The following NLGN1 variants were observed in gnomAD, a reference collection of about 807,000 sequenced individuals.
NLGN1 encodes neuroligin-1.
Under a neutral mutation model 65.5 loss-of-function variants are expected in NLGN1, and 12 were observed. The observed-to-expected ratio is 0.18, with a 90% CI of 0.12 to 0.30. The LOEUF is 0.30. Ranked by LOEUF, NLGN1 falls within the 10% of genes least tolerant of loss-of-function variation. The pLI, the probability that NLGN1 is intolerant of heterozygous loss-of-function variation, is 1.00. For synonymous variants in NLGN1, 350 were observed against 359.5 expected (o/e 0.97, Z 0.30); for missense variants, 750 against 1,007.1 (o/e 0.74, Z 3.46).
At position 174,280,257 on chromosome 3, in the gene NLGN1, TAAGC is replaced by T. The variant is rs1160354887; in HGVS notation, c.1650-222_1650-219del. 6.6e-6 allele frequency among the ~76,000 whole-genome samples: 1 copy of T among 151,984 alleles called. No homozygotes were observed. The highest frequency in any genetic ancestry group is 2.1e-4 in the South Asian group (1 of 4,836). On this transcript the variant is annotated intron_variant, in intron 6 of 6. Transcript: ENST00000457714. This position sits in a 1 kb window ranked among gnomAD's most constrained non-coding sequence, Gnocchi z 4.9. ...GGGTAGATAGCAGCCCATCTCAGGATAAGCAGAGAGAACAAGAATGTGAGACTTA... is the reference window on the plus strand; with the variant it reads ...GGGTAGATAGCAGCCCATCTCAGGATAGAGAGAACAAGAATGTGAGACTTA...
At chr3:174,078,125 CTATTATAT>C (rs1741393603) in intron 4 of NLGN1, among the ~76,000 whole-genome samples, 1 of 151,856 alleles carries the variant, frequency 6.6e-6, no homozygotes, top group Non-Finnish European at 1.5e-5. Flanking sequence ...TATGATGTCT[CTATTATAT>C]TTTTAGAAAA....
chr3:173,503,266 A>G (rs1160891532), intron 2 of NLGN1, among the ~76,000 whole-genome samples: 1 of 152,134 alleles, frequency 6.6e-6, no homozygotes, highest in Non-Finnish European at 1.5e-5. Flanking sequence ...TGGAAATGAA[A>G]CAAACCTTCT....
chr3:174,090,334 G>A lies in NLGN1; in HGVS notation c.647-184981G>A, dbSNP rs372677663. ...AAAAATACAAAAAAAATAGCCTGGC[G>A]TGGTGGCAGGTGCCTGTAATCCCAC... is the stretch of plus-strand genomic sequence containing the variant. On this transcript the variant is annotated intron_variant, in intron 4 of 6. Transcript: ENST00000457714. 1.3e-4 allele frequency among the ~76,000 whole-genome samples: 20 copies of A among 152,150 alleles called. No individual in the cohort carries two copies. The East Asian group carries it at 2.5e-3, about 19-fold the overall frequency.
Position 173,830,389 on chromosome 3 carries a change from G to C in NLGN1, c.646+22557G>C, listed in dbSNP as rs568995203. On this transcript the variant is annotated intron_variant, in intron 4 of 6. Transcript: ENST00000457714. ...ATAATAAACAATAGGTTAGTGGCTT[G>C]ATATGCCTAACAGCATCCACTGCAG... Among the ~76,000 whole-genome samples the C allele has an allele frequency of 2.0e-5, 3 of 152,290 alleles. No homozygotes were observed. The South Asian group carries it at 6.2e-4, about 32-fold the overall frequency.
intron 3 of NLGN1, among the ~76,000 whole-genome samples, chr3:173,624,624 C>T (rs1436395362): frequency 6.6e-6 from 1 of 152,044 alleles, no homozygotes; most frequent in Non-Finnish European, 1.5e-5. Context: ...TTAGTTTTAT[C>T]TGTCAGGGAA....
chr3:174,228,979 T>C (rs1039816753), intron 4 of NLGN1, among the ~76,000 whole-genome samples: 19 of 152,126 alleles, frequency 1.2e-4, no homozygotes, highest in African/African-American at 4.6e-4. Context: ...TTCCAAAGCA[T>C]GTCAAGAGAT....
chr3:173,935,599 C>T (rs1419852020), intron 4 of NLGN1, among the ~76,000 whole-genome samples: 1 of 98,336 alleles, frequency 1.0e-5, no homozygotes, highest in Non-Finnish European at 2.4e-5. Flanking sequence ...AGTCTACACA[C>T]ACACACACAC....
chr3:174,110,164 T>C (rs565359269), intron 4 of NLGN1, among the ~76,000 whole-genome samples: 1 of 152,148 alleles, frequency 6.6e-6, no homozygotes, highest in Non-Finnish European at 1.5e-5. Context: ...AGATGTTCAC[T>C]TGGGTGGCTT....
intron 2 of NLGN1, among the ~76,000 whole-genome samples, chr3:173,533,854 C>T (rs1737014961): frequency 6.6e-6 from 1 of 152,008 alleles, no homozygotes; most frequent in South Asian, 2.1e-4. Context: ...TCGTGATGCG[C>T]GCCTATAGTC....
chr3:174,159,304 A>G (rs975436497), intron 4 of NLGN1, among the ~76,000 whole-genome samples: 4 of 151,836 alleles, frequency 2.6e-5, no homozygotes, highest in African/African-American at 4.8e-5. Context: ...CCATTTTTCA[A>G]GTGTTACTTA....
chr3:174,154,624 G>A (rs955206626), intron 4 of NLGN1, among the ~76,000 whole-genome samples: 16 of 151,820 alleles, frequency 1.1e-4, no homozygotes, highest in African/African-American at 3.1e-4. Context: ...ATGACTTAAT[G>A]AAGTACAGCT....
At chr3:173,445,278 A>C (rs912663600) in intron 2 of NLGN1, among the ~76,000 whole-genome samples, 1 of 131,460 alleles carries the variant, frequency 7.6e-6, no homozygotes, top group Non-Finnish European at 1.8e-5. Context: ...AAAAAAAAAA[A>C]AAAAAAAAAA....
chr3:174,222,220 G>A (rs1022602873), intron 4 of NLGN1, among the ~76,000 whole-genome samples: 1 of 152,020 alleles, frequency 6.6e-6, no homozygotes, highest in African/African-American at 2.4e-5. Context: ...TGCGGTCTGT[G>A]ATTTTATGGT....
At chr3:173,497,541 A>C (rs1730238977) in intron 2 of NLGN1, among the ~76,000 whole-genome samples, 1 of 151,870 alleles carries the variant, frequency 6.6e-6, no homozygotes, top group African/African-American at 2.4e-5. Flanking sequence ...ATACACATGT[A>C]TCTATTTCAT....
At chr3:174,281,157 A>C (rs748518481) in exon 7 of NLGN1, 30 of 1,613,132 alleles carry the variant, frequency 1.9e-5, no homozygotes, top group Non-Finnish European at 2.5e-5. Context: ...TGTTCCCTTA[A>C]TGACACCCAA....
chr3:173,717,995 T>C (rs185231238), intron 3 of NLGN1, among the ~76,000 whole-genome samples: 93 of 152,300 alleles, frequency 6.1e-4, no homozygotes, highest in Admixed American at 1.3e-3. Flanking sequence ...AACTTCACTC[T>C]ACATATTTTT....
chr3:173,546,414 C>G lies in NLGN1; in HGVS notation c.-320-57865C>G, dbSNP rs528589887. ...GTCTGTTGAGGTCCCTGATGTACAT[C>G]CAATCCCTAAAATACTGTCTGGAAT... On this transcript the variant is annotated intron_variant, in intron 2 of 6. Transcript: ENST00000457714. 1.5e-4 allele frequency among the ~76,000 whole-genome samples: 23 copies of G among 152,156 alleles called. No individual in the cohort carries two copies. The South Asian group carries it at 4.8e-3, about 32-fold the overall frequency.
intron 4 of NLGN1, among the ~76,000 whole-genome samples, chr3:174,207,201 GAAA>G (rs11336101): frequency 2.7e-3 from 372 of 136,644 alleles, no homozygotes; most frequent in Middle Eastern, 0.011. Context: ...GCTCATTCAT[GAAA>G]AAAAAAAAAA....
At chr3:173,878,040 A>T (rs1049224292) in intron 4 of NLGN1, among the ~76,000 whole-genome samples, 7 of 149,806 alleles carry the variant, frequency 4.7e-5, no homozygotes, top group Admixed American at 6.7e-5. Flanking sequence ...CTTGAGAATT[A>T]TTTTTTTTTT....
Sources: gnomAD v4.1 joint callset for allele counts (sites outside exome capture counted in the v4.1 genomes callset) on GRCh38, gnomAD v4.1.1 for gene constraint, Gnocchi (gnomAD v3.1) non-coding constraint, MANE v1.5 for transcripts, NCBI Gene and HGNC (gene_info 2026-07-23, HGNC 2026-07-21) for gene names.